FBXO17: variants seen among roughly 807,000 people sequenced by gnomAD.
FBXO17 encodes F-box protein 17, also known as F-box only protein 17.
FBXO17 carries 43 observed loss-of-function variants against 34.1 expected under a neutral mutation model. The ratio of observed to expected loss-of-function variants is 1.26; its 90% CI spans 0.99 to 1.62. FBXO17 has a LOEUF of 1.62. Among genes scored for constraint, FBXO17 ranks in the 40% most tolerant of loss-of-function variants. The pLI is 0.00. For synonymous variants in FBXO17, 169 were observed against 166.0 expected (o/e 1.02, Z -0.14); for missense variants, 424 against 386.7 (o/e 1.10, Z -0.81).
At chr19:38,949,885 A>C in intron 2 of FBXO17, 86 bp downstream of exon 2, 1 of 1,396,166 alleles carries the variant, frequency 7.2e-7, no homozygotes, top group Non-Finnish European at 9.4e-7. Context: ...CCCATTGGCT[A>C]CATCTCTCAG....
rs539484567 is a variant in FBXO17 at position 38,960,474 on chromosome 19, C to T, written c.-17-10138G>A. Among the ~76,000 whole-genome samples, 20 of 152,132 alleles carry T rather than the reference C, an allele frequency of 1.3e-4. No individual in the cohort carries two copies. The East Asian group carries it at 2.7e-3, about 21-fold the overall frequency. On this transcript the variant is annotated intron_variant, in intron 1 of 5. Coordinates refer to ENST00000292852, the MANE Select transcript of FBXO17 (RefSeq NM_024907.7). Reference sequence around the variant, plus strand: ...CTCCTTAGACATTTCTCTCTATTTTCACCTGGTCTGTCCAGCTACTTTCGG... The same window carrying T: ...CTCCTTAGACATTTCTCTCTATTTTTACCTGGTCTGTCCAGCTACTTTCGG...
At chr19:38,963,661 A>C (rs1975282934) in intron 1 of FBXO17, among the ~76,000 whole-genome samples, 1 of 152,174 alleles carries the variant, frequency 6.6e-6, no homozygotes, top group Non-Finnish European at 1.5e-5. Context: ...CACTGAACAC[A>C]TAATCTACAA....
At chr19:38,942,870 G>C in intron 5 of FBXO17, 119 bp from the exon 6 acceptor site, 1 of 1,257,442 alleles carries the variant, frequency 8.0e-7, no homozygotes. Flanking sequence ...TGCTGGGGAC[G>C]GAGCAGTGAA....
chr19:38,967,980 T>C (rs773477186), intron 1 of FBXO17, among the ~76,000 whole-genome samples: 1 of 151,542 alleles, frequency 6.6e-6, no homozygotes, highest in Non-Finnish European at 1.5e-5. Flanking sequence ...ACTGGAACCC[T>C]CAGGCATCGC....
chr19:38,950,050 C>T lies in FBXO17; in HGVS notation c.270G>A (p.Glu90=). 6.4e-7 allele frequency: 1 copy of T among 1,568,620 alleles called. No homozygotes were observed. Among genetic ancestry groups the T allele is most frequent in the Non-Finnish European group, 8.6e-7 (1 of 1,158,194 alleles). ...AGCGCGCCAGGGCGCACAGCGGGAA[C>T]TCCTCCTTGTCTTCGTTGCTGGGCA... ...RCLPSNEDKE[E]FPLCALARYC... The change falls in exon 2 of 6, where the codon GAG becomes GAA. Residue 90 remains glutamate (E), a synonymous_variant. Transcript: ENST00000292852.
At chr19:38,946,611 AT>A in intron 3 of FBXO17, 44 bp from the exon 4 acceptor site, 2 of 1,567,664 alleles carry the variant, frequency 1.3e-6, no homozygotes, top group Non-Finnish European at 1.7e-6. Flanking sequence ...CAGTCCTGGC[AT>A]TCAAGTCACA....
chr19:38,946,969 G>C (rs1487874262), intron 3 of FBXO17: 1 of 193,218 alleles, frequency 5.2e-6, no homozygotes, highest in Non-Finnish European at 1.1e-5. Flanking sequence ...CCAATGGGAT[G>C]CTCCGGCAGG....
At chr19:38,946,218 G>A in intron 4 of FBXO17, 1 of 570,164 alleles carries the variant, frequency 1.8e-6, no homozygotes, top group Non-Finnish European at 3.1e-6. Flanking sequence ...GGGGTATCAA[G>A]CCAGTCAGTG....
chr19:38,956,340 CT>C (rs942748340), intron 1 of FBXO17, among the ~76,000 whole-genome samples: 2 of 150,758 alleles, frequency 1.3e-5, no homozygotes, highest in African/African-American at 4.9e-5. Flanking sequence ...AGGCTTATTT[CT>C]TTTTTTTAAG....
intron 3 of FBXO17, 149 bp from the exon 4 acceptor site, chr19:38,946,716 G>A: frequency 9.0e-7 from 1 of 1,110,656 alleles, no homozygotes; most frequent in Non-Finnish European, 1.3e-6. Context: ...ATGCATGATG[G>A]GCTATACATC....
chr19:38,946,449 G>A (rs779626805), intron 4 of FBXO17, 23 bp downstream of exon 4: 20 of 1,613,608 alleles, frequency 1.2e-5, no homozygotes, highest in Non-Finnish European at 1.7e-5. Context: ...CTGCTCTGGG[G>A]CAGGGTGCCG....
At chr19:38,970,201 CAAA>C (rs746484827) in intron 1 of FBXO17, among the ~76,000 whole-genome samples, 1 of 137,188 alleles carries the variant, frequency 7.3e-6, no homozygotes, top group African/African-American at 2.7e-5. Flanking sequence ...TTATCAAAAG[CAAA>C]AAAAAAAAAA....
intron 1 of FBXO17, among the ~76,000 whole-genome samples, chr19:38,959,678 C>T (rs537373737): frequency 6.6e-6 from 1 of 151,834 alleles, no homozygotes; most frequent in African/African-American, 2.4e-5. Flanking sequence ...ATCGCTTGAA[C>T]CCGGGGGTTC....
intron 1 of FBXO17, among the ~76,000 whole-genome samples, chr19:38,953,027 C>T (rs1975109924): frequency 6.6e-6 from 1 of 152,186 alleles, no homozygotes; most frequent in African/African-American, 2.4e-5. Flanking sequence ...CTTGACCTGG[C>T]ACGCTGGCTC....
rs767001280 is a variant in FBXO17, at chr19:38,942,671, C to T, written c.774G>A (p.Trp258Ter). The change falls in exon 6 of 6, where the codon TGG (tryptophan) becomes TGA (stop). Residue 258 changes from tryptophan to a stop codon, truncating the protein, a stop_gained. Coordinates refer to ENST00000292852, the MANE Select transcript of FBXO17 (RefSeq NM_024907.7). LOFTEE classifies it high-confidence loss of function. ...FEQYGRDVSS[W>*]VGHYGALVTH... ...TCACAAGGGCGCCATAGTGCCCCAC[C>T]CAGGAACTCACGTCTCTCCCGTACT... The T allele has an allele frequency of 3.1e-6, 5 of 1,601,462 alleles. No homozygotes were observed. The highest frequency in any genetic ancestry group is 4.3e-6 in the Non-Finnish European group (5 of 1,175,200).
chr19:38,959,972 A>C (rs1975224481), intron 1 of FBXO17, among the ~76,000 whole-genome samples: 1 of 152,192 alleles, frequency 6.6e-6, no homozygotes, highest in Non-Finnish European at 1.5e-5. Flanking sequence ...CGTTTGCTAA[A>C]AATGATGAAA....
chr19:38,952,870 C>T (rs996175913), intron 1 of FBXO17: 7 of 456,508 alleles, frequency 1.5e-5, no homozygotes, highest in African/African-American at 1.0e-4. Context: ...CCACCTCATT[C>T]CCTCCAGTGC....
rs1246473033 is a variant in FBXO17 at position 38,941,530 on chromosome 19, A to G, written c.*1078T>C. On this transcript the variant is annotated 3_prime_UTR_variant, in exon 6 of 6. Coordinates refer to ENST00000292852, the MANE Select transcript of FBXO17 (RefSeq NM_024907.7). ...TATTTCTATAGATTATAGATTAACT[A>G]AAAACATTTCTTACAGGAAATAAAG... 1.3e-5 allele frequency: 2 copies of G among 152,262 alleles called. No individual in the cohort carries two copies. The highest frequency in any genetic ancestry group is 2.4e-5 in the African/African-American group (1 of 41,462). The allele number at this position is 152,262 out of a possible 1,614,324, so 9.4% of individuals were successfully genotyped here.
intron 1 of FBXO17, among the ~76,000 whole-genome samples, chr19:38,969,009 A>G (rs7250688): frequency 0.036 from 5,479 of 152,216 alleles, 303 homozygotes; most frequent in African/African-American, 0.12. Context: ...AAAGTTGTCC[A>G]CTTTAACAGG....
Sources: allele counts gnomAD v4.1 joint callset (sites outside exome capture counted in the v4.1 genomes callset), GRCh38; gene constraint gnomAD v4.1.1; transcripts MANE v1.5; gene names NCBI Gene and HGNC (gene_info 2026-07-23, HGNC 2026-07-21).